The following EBF1 variants were observed in gnomAD, a reference collection of about 807,000 sequenced individuals.
EBF1 encodes transcription factor COE1.
In EBF1, 10 loss-of-function variants were observed where a neutral mutation model predicts 68.4. The observed-to-expected ratio is 0.15, with a 90% CI of 0.09 to 0.25. The LOEUF (loss-of-function observed/expected upper bound fraction) is 0.25, where lower values mean the gene tolerates loss of function less well. Among genes scored for constraint, EBF1 ranks in the 10% least tolerant of loss-of-function variants. The pLI is 1.00. For synonymous variants in EBF1, 298 were observed against 299.8 expected (o/e 0.99, Z 0.06); for missense variants, 509 against 794.4 (o/e 0.64, Z 4.32).
chr5:158,777,261 C>G, intron 10 of EBF1, 152 bp downstream of exon 10: 10 of 859,080 alleles, frequency 1.2e-5, no homozygotes, highest in Non-Finnish European at 1.6e-5. Flanking sequence ...ATAAAAGCAC[C>G]ATGTTTGGTC....
intron 6 of EBF1, among the ~76,000 whole-genome samples, chr5:158,969,445 G>T (rs1426708066): frequency 6.6e-6 from 1 of 151,868 alleles, no homozygotes. Flanking sequence ...AAGGAGAAAA[G>T]AATAAAAATT....
At chr5:158,982,917 G>C (rs1758178900) in intron 6 of EBF1, 1 of 152,040 alleles carries the variant, frequency 6.6e-6, no homozygotes. Flanking sequence ...AATCCTTCTG[G>C]TCTGCTCCCC....
intron 11 of EBF1, among the ~76,000 whole-genome samples, chr5:158,721,524 T>C (rs1761930051): frequency 6.6e-6 from 1 of 152,184 alleles, no homozygotes; most frequent in African/African-American, 2.4e-5. Context: ...ACAAATAAAT[T>C]AGCCAGAGTG....
Position 158,983,476 on chromosome 5 carries a change from C to T in EBF1, c.554+89920G>A, listed in dbSNP as rs1341372799. On this transcript the variant is annotated intron_variant, in intron 6 of 15. Transcript: ENST00000313708. Reference sequence around the variant, plus strand: ...GTTGTCTAGAGTAGTATTGATTGCACAGTGATGGGAAACTATAGGACAAAC... The same window carrying T: ...GTTGTCTAGAGTAGTATTGATTGCATAGTGATGGGAAACTATAGGACAAAC... 3 of 152,122 alleles carry T rather than the reference C, an allele frequency of 2.0e-5. No individual in the cohort carries two copies. The East Asian group carries it at 5.8e-4, about 29-fold the overall frequency. 9.4% of individuals were successfully genotyped at this position (152,122 alleles called of 1,614,324 possible). A position where few individuals can be genotyped will look rare whatever the true frequency, so the allele number is the denominator to read the frequency against.
chr5:158,933,545 G>C (rs772547842), intron 6 of EBF1, among the ~76,000 whole-genome samples: 75 of 152,148 alleles, frequency 4.9e-4, no homozygotes, highest in African/African-American at 1.8e-3. Flanking sequence ...CTCATTAAAG[G>C]GTTCACTGAT....
chr5:158,878,475 T>C (rs1475652585), intron 6 of EBF1, among the ~76,000 whole-genome samples: 1 of 152,196 alleles, frequency 6.6e-6, no homozygotes, highest in African/African-American at 2.4e-5. Flanking sequence ...CCAGGTGCCC[T>C]GCTAAATGCT....
intron 6 of EBF1, among the ~76,000 whole-genome samples, chr5:158,955,090 C>T (rs769129438): frequency 1.8e-4 from 27 of 152,018 alleles, no homozygotes; most frequent in Non-Finnish European, 3.5e-4. Flanking sequence ...TTTGGGAGGC[C>T]GAGGAGGGCG....
At chr5:158,806,243 C>T (rs1187381778) in intron 8 of EBF1, among the ~76,000 whole-genome samples, 1 of 151,998 alleles carries the variant, frequency 6.6e-6, no homozygotes, top group African/African-American at 2.4e-5. Flanking sequence ...GTGGAGAGGG[C>T]CAGTGACAAG....
intron 6 of EBF1, among the ~76,000 whole-genome samples, chr5:158,979,076 T>G (rs1210152329): frequency 6.6e-6 from 1 of 152,036 alleles, no homozygotes; most frequent in Non-Finnish European, 1.5e-5. Context: ...TCAGCTGGAA[T>G]GTTTCAGCAT....
intron 5 of EBF1, among the ~76,000 whole-genome samples, chr5:159,078,689 T>C (rs905151795): frequency 6.6e-6 from 1 of 152,178 alleles, no homozygotes; most frequent in African/African-American, 2.4e-5. Flanking sequence ...CCCAGTGACA[T>C]GAGAACAATG....
chr5:158,910,919 A>G (rs1041678520), intron 6 of EBF1, among the ~76,000 whole-genome samples: 41 of 152,232 alleles, frequency 2.7e-4, no homozygotes, highest in African/African-American at 9.4e-4. Flanking sequence ...TCTATTTCCA[A>G]TTAGCACCTG....
chr5:158,894,508 C>T (rs1333782423), intron 6 of EBF1, among the ~76,000 whole-genome samples: 1 of 152,144 alleles, frequency 6.6e-6, no homozygotes, highest in Admixed American at 6.5e-5. Context: ...GGTTAAGTTC[C>T]ATCAAGTGGC....
intron 6 of EBF1, among the ~76,000 whole-genome samples, chr5:158,997,843 A>C (rs192069233): frequency 8.5e-5 from 13 of 152,288 alleles, no homozygotes; most frequent in Admixed American, 8.5e-4. Context: ...ATGTTCTTGC[A>C]GCGTCAAAGC....
intron 6 of EBF1, among the ~76,000 whole-genome samples, chr5:159,072,617 C>T (rs1032739612): frequency 2.0e-5 from 3 of 152,182 alleles, no homozygotes; most frequent in Admixed American, 2.0e-4. Flanking sequence ...ATTTAACTCT[C>T]AATGAGTAAT....
chr5:158,739,885 C>T (rs926678878), intron 10 of EBF1, among the ~76,000 whole-genome samples: 4 of 152,170 alleles, frequency 2.6e-5, no homozygotes, highest in Admixed American at 6.5e-5. Flanking sequence ...TTTATCACCC[C>T]GTGTGTGTTC....
chr5:158,966,236 A>G (rs1754075380), intron 6 of EBF1, among the ~76,000 whole-genome samples: 1 of 152,174 alleles, frequency 6.6e-6, no homozygotes, highest in Admixed American at 6.5e-5. Context: ...TTTCCCTTCT[A>G]AGAAAGAGTA....
chr5:158,712,713 A>G (rs528386477), intron 13 of EBF1, among the ~76,000 whole-genome samples: 14 of 152,200 alleles, frequency 9.2e-5, no homozygotes, highest in African/African-American at 3.4e-4. Context: ...CCTCTCTGTG[A>G]TCTGTCATTC....
intron 6 of EBF1, 72 bp from the exon 7 acceptor site, chr5:158,840,182 C>T (rs1789891263): frequency 8.7e-7 from 1 of 1,149,500 alleles, no homozygotes; most frequent in Non-Finnish European, 1.3e-6. Flanking sequence ...GGTAAGTCAC[C>T]CCTGGGTTGT....
intron 6 of EBF1, among the ~76,000 whole-genome samples, chr5:158,862,578 G>C (rs1194604967): frequency 1.3e-5 from 2 of 152,014 alleles, no homozygotes; most frequent in African/African-American, 4.8e-5. Flanking sequence ...GCTGAGAAAA[G>C]GACTCAACTA....
Sources: allele counts gnomAD v4.1 joint callset (sites outside exome capture counted in the v4.1 genomes callset), GRCh38; gene constraint gnomAD v4.1.1; transcripts MANE v1.5; gene names NCBI Gene and HGNC (gene_info 2026-07-23, HGNC 2026-07-21).